ADAM19: variants seen among roughly 807,000 people sequenced by gnomAD.
ADAM19 encodes the protein disintegrin and metalloproteinase domain-containing protein 19.
In ADAM19, 65 loss-of-function variants were observed where a neutral mutation model predicts 114.7. That is an observed-to-expected ratio of 0.57 (90% CI 0.46 to 0.70). ADAM19 has a LOEUF of 0.70. ADAM19 is among the 30% of genes least tolerant of loss of function. The pLI is 0.00. For missense variants in ADAM19, 1,063 were observed against 1,204.7 expected (o/e 0.88, Z 1.74); for synonymous variants, 466 against 460.5 (o/e 1.01, Z -0.15).
At chr5:157,534,990 T>C (rs1339596293) in intron 4 of ADAM19, among the ~76,000 whole-genome samples, 2 of 152,200 alleles carry the variant, frequency 1.3e-5, no homozygotes, top group Non-Finnish European at 2.9e-5. Flanking sequence ...ACTGGTTAAC[T>C]GAACTTGGGC....
At chr5:157,571,879 C>T (rs1403686742) in intron 1 of ADAM19, among the ~76,000 whole-genome samples, 2 of 152,164 alleles carry the variant, frequency 1.3e-5, no homozygotes, top group Admixed American at 6.5e-5. Flanking sequence ...GACAAAGATG[C>T]TACCTGCCCA....
At position 157,478,974 on chromosome 5, in the gene ADAM19, T is replaced by G. The variant is rs1754671878; in HGVS notation, c.*1975A>C. ...GGCATGGGGTTGGGTTTTGAGGATG[T>G]TGCTTGTTTGTTTTGCAGAGGGGTG... On this transcript the variant is annotated 3_prime_UTR_variant, in exon 23 of 23. Coordinates refer to ENST00000257527, the MANE Select transcript of ADAM19 (RefSeq NM_033274.5). The G allele has an allele frequency of 1.3e-5, 13 of 985,500 alleles. No individual in the cohort carries two copies. The highest frequency in any genetic ancestry group is 1.6e-5 in the Non-Finnish European group (13 of 829,950). The allele number at this position is 985,500 out of a possible 1,614,324, so 61.0% of individuals were successfully genotyped here. A position where few individuals can be genotyped will look rare whatever the true frequency, so the allele number is the denominator to read the frequency against.
Position 157,497,089 on chromosome 5 carries a change from G to C in ADAM19, c.1399C>G (p.Leu467Val). 6.6e-7 allele frequency: 1 copy of C among 1,513,730 alleles called. No individual in the cohort carries two copies. Among genetic ancestry groups the C allele is most frequent in the Non-Finnish European group, 8.8e-7 (1 of 1,137,834 alleles). The allele number at this position is 1,513,730 out of a possible 1,614,324, so 93.8% of individuals were successfully genotyped here. A position where few individuals can be genotyped will look rare whatever the true frequency, so the allele number is the denominator to read the frequency against. The change falls in exon 14 of 23, where the codon CTG (leucine) becomes GTG (valine). Residue 467 changes from leucine (L) to valine (V), a missense_variant and splice_region_variant. By Grantham distance (32) the Leu-to-Val change is conservative. Transcript: ENST00000257527. ...AHGSCCHQCKLLAPGTLCREQ... is the reference protein window; with the variant it reads ...AHGSCCHQCKVLAPGTLCREQ... ...CGGCACAGGGTCCCAGGAGCCAACA[G>C]CTGAGCCAAGGAATGAGAGGAAAAC... is the stretch of plus-strand genomic sequence containing the variant.
chr5:157,512,905 C>G (rs1440217215), intron 8 of ADAM19, among the ~76,000 whole-genome samples: 1 of 152,182 alleles, frequency 6.6e-6, no homozygotes, highest in Non-Finnish European at 1.5e-5. Context: ...ACCTCAATTC[C>G]CTCCTAAGTC....
At chr5:157,568,987 G>C (rs768418190) in intron 2 of ADAM19, 3 of 152,096 alleles carry the variant, frequency 2.0e-5, no homozygotes, top group Non-Finnish European at 2.9e-5. Context: ...GAGGATGCCC[G>C]GCATCCACAT....
At chr5:157,538,040 C>A in intron 3 of ADAM19, 49 bp from the exon 4 acceptor site, 2 of 1,455,270 alleles carry the variant, frequency 1.4e-6, no homozygotes, top group South Asian at 1.1e-5. Context: ...ATGAACTCCA[C>A]CCTCCTAGCA....
chr5:157,544,434 T>C (rs1756997697), intron 3 of ADAM19, among the ~76,000 whole-genome samples: 1 of 152,228 alleles, frequency 6.6e-6, no homozygotes, highest in Non-Finnish European at 1.5e-5. Context: ...CAGTTTCTGG[T>C]CCTGTGTTTT....
chr5:157,531,645 C>T (rs185327657), intron 4 of ADAM19, among the ~76,000 whole-genome samples: 12 of 148,078 alleles, frequency 8.1e-5, no homozygotes, highest in East Asian at 7.9e-4. Flanking sequence ...CCAGCCTGGG[C>T]GACAGAGTGA....
intron 2 of ADAM19, chr5:157,568,038 C>CAAT (rs1757717436): frequency 6.6e-6 from 1 of 151,820 alleles, no homozygotes; most frequent in African/African-American, 2.4e-5. Context: ...TGCAGTGACC[C>CAAT]AATCTTGGCT....
chr5:157,479,117 G>A lies in ADAM19; in HGVS notation c.*1832C>T, dbSNP rs1349777873. 2.0e-6 allele frequency: 2 copies of A among 985,642 alleles called. No individual in the cohort carries two copies. The highest frequency in any genetic ancestry group is 4.7e-5 in the South Asian group (1 of 21,244). The allele number at this position is 985,642 out of a possible 1,614,324, so 61.1% of individuals were successfully genotyped here. ...GGGAATGGATCTCCACAGCAAGGAT[G>A]ACCCACAGCAAGGATGACCCACGGC... is the stretch of plus-strand genomic sequence containing the variant. On this transcript the variant is annotated 3_prime_UTR_variant, in exon 23 of 23. Transcript: ENST00000257527.
At chr5:157,557,650 T>C (rs1335626362) in intron 3 of ADAM19, among the ~76,000 whole-genome samples, 1 of 152,104 alleles carries the variant, frequency 6.6e-6, no homozygotes, top group Non-Finnish European at 1.5e-5. Flanking sequence ...GTCTGAGAAG[T>C]CCAAGATCAA....
chr5:157,503,093 G>C, intron 11 of ADAM19, 113 bp from the exon 12 acceptor site: 1 of 866,568 alleles, frequency 1.2e-6, no homozygotes, highest in Non-Finnish European at 1.8e-6. Flanking sequence ...CCTGGGTTCA[G>C]ACCCCCATTG....
At chr5:157,497,570 TACAC>T (rs5872512) in intron 13 of ADAM19, among the ~76,000 whole-genome samples, 41 of 116,754 alleles carry the variant, frequency 3.5e-4, no homozygotes, top group African/African-American at 1.5e-3. Context: ...GGCCCACTAA[TACAC>T]ACACACACAC....
chr5:157,481,213 G>A (rs1581280178), intron 22 of ADAM19: 2 of 633,260 alleles, frequency 3.2e-6, no homozygotes, highest in Non-Finnish European at 5.5e-6. Flanking sequence ...AAGCTGACCA[G>A]CCACCCCTCC....
chr5:157,500,069 G>A (rs114799047), intron 12 of ADAM19, among the ~76,000 whole-genome samples: 2,209 of 152,148 alleles, frequency 0.015, 27 homozygotes, highest in Non-Finnish European at 0.023. Flanking sequence ...ATGAACCACC[G>A]CACCTGGCCT....
At chr5:157,494,250 T>C (rs916678489) in intron 15 of ADAM19, among the ~76,000 whole-genome samples, 2 of 148,328 alleles carry the variant, frequency 1.3e-5, no homozygotes, top group African/African-American at 5.1e-5. Context: ...GAGTGGGTGG[T>C]AGATGGATGG....
intron 4 of ADAM19, among the ~76,000 whole-genome samples, chr5:157,534,774 T>C (rs1756717356): frequency 6.6e-6 from 1 of 152,224 alleles, no homozygotes; most frequent in South Asian, 2.1e-4. Context: ...TGCCATGTTT[T>C]AAAGGGGGAA....
At chr5:157,565,436 C>T (rs1757630355) in intron 2 of ADAM19, among the ~76,000 whole-genome samples, 2 of 152,036 alleles carry the variant, frequency 1.3e-5, no homozygotes, top group South Asian at 4.1e-4. Context: ...TGTTTAGACT[C>T]GGCCGGGCAC....
chr5:157,494,993 CTTT>C (rs896717013), intron 14 of ADAM19, among the ~76,000 whole-genome samples, 198 bp from the exon 15 acceptor site: 1 of 149,092 alleles, frequency 6.7e-6, no homozygotes, highest in Non-Finnish European at 1.5e-5. Flanking sequence ...TATATAAATC[CTTT>C]TTTTTTTCTT....
Sources: allele counts gnomAD v4.1 joint callset (sites outside exome capture counted in the v4.1 genomes callset), GRCh38; gene constraint gnomAD v4.1.1; transcripts MANE v1.5; gene names NCBI Gene and HGNC (gene_info 2026-07-23, HGNC 2026-07-21).